Variants in OSBPL8 observed in about 807,000 individuals in gnomAD.
OSBPL8 encodes oxysterol binding protein like 8, also known as oxysterol-binding protein-related protein 8.
OSBPL8 carries 59 observed loss-of-function variants against 125.5 expected under a neutral mutation model. The ratio of observed to expected loss-of-function variants is 0.47; its 90% CI spans 0.38 to 0.58. The LOEUF is 0.58. Among genes scored for constraint, OSBPL8 ranks in the 20% least tolerant of loss-of-function variants. OSBPL8 has a pLI of 0.00. For synonymous variants in OSBPL8, 330 were observed against 338.9 expected (o/e 0.97, Z 0.29); for missense variants, 758 against 1,047.8 (o/e 0.72, Z 3.82).
intron 4 of OSBPL8, among the ~76,000 whole-genome samples, chr12:76,437,597 G>C (rs1871624418): frequency 1.3e-5 from 2 of 152,056 alleles, no homozygotes; most frequent in South Asian, 4.1e-4. Context: ...CCCTTGCCTG[G>C]TTCTGCTTTT....
chr12:76,478,983 G>T (rs1189028690), intron 2 of OSBPL8, among the ~76,000 whole-genome samples: 2 of 152,152 alleles, frequency 1.3e-5, no homozygotes, highest in African/African-American at 4.8e-5. Flanking sequence ...TGCTCGGGAG[G>T]CTGAGGCAGG....
intron 5 of OSBPL8, among the ~76,000 whole-genome samples, chr12:76,405,196 T>A (rs1285124515): frequency 6.6e-6 from 1 of 152,176 alleles, no homozygotes; most frequent in African/African-American, 2.4e-5. Flanking sequence ...TGGTGACTCA[T>A]GCTGGTAATC....
chr12:76,385,705 A>G (rs1229550866), intron 14 of OSBPL8, among the ~76,000 whole-genome samples: 1 of 152,084 alleles, frequency 6.6e-6, no homozygotes, highest in Non-Finnish European at 1.5e-5. Flanking sequence ...AAAAATGAGG[A>G]AAGAAAGTGC....
intron 5 of OSBPL8, among the ~76,000 whole-genome samples, chr12:76,410,179 G>C (rs1315720639): frequency 2.0e-5 from 3 of 152,068 alleles, no homozygotes; most frequent in East Asian, 3.8e-4. Context: ...CAAAGCTCTG[G>C]CTTTTAACTG....
At chr12:76,479,836 C>T (rs1483798450) in intron 2 of OSBPL8, among the ~76,000 whole-genome samples, 1 of 152,056 alleles carries the variant, frequency 6.6e-6, no homozygotes, top group African/African-American at 2.4e-5. Context: ...AGACTTGTGA[C>T]TTATCAACTA....
chr12:76,414,203 T>C (rs1868351079), intron 4 of OSBPL8, among the ~76,000 whole-genome samples: 1 of 152,082 alleles, frequency 6.6e-6, no homozygotes, highest in South Asian at 2.1e-4. Context: ...CACAAATGTG[T>C]AGGTCTGTTT....
chr12:76,374,061 A>C lies in OSBPL8; in HGVS notation c.1828-628T>G, dbSNP rs1952721453. On this transcript the variant is annotated intron_variant, in intron 17 of 23. Transcript: ENST00000261183. The stretch of plus-strand genomic sequence containing the variant: ...TCACCATACAAGGAAAATTTTGCCA[A>C]GGTGAAAGAAAAATAAAATAAAAGA... Among the ~76,000 whole-genome samples, 5 of 152,204 alleles carry C rather than the reference A, an allele frequency of 3.3e-5. No homozygotes were observed. The South Asian group carries it at 1.0e-3, about 31-fold the overall frequency.
At position 76,544,480 on chromosome 12, in the gene OSBPL8, G is replaced by T. The variant is rs561512623; in HGVS notation, c.-68+14917C>A. ...AACAATAGTGATATTATTGAAATAA[G>T]GTAACTTTGAACACACTGACCATCT... On this transcript the variant is annotated intron_variant, in intron 1 of 23. Transcript: ENST00000261183. 3.4e-4 allele frequency among the ~76,000 whole-genome samples: 52 copies of T among 152,180 alleles called. 1 individual carries two copies. In the South Asian group the frequency reaches 0.01, roughly 30 times the overall value.
chr12:76,486,060 T>G (rs1279612902), intron 2 of OSBPL8: 1 of 431,184 alleles, frequency 2.3e-6, no homozygotes, highest in Non-Finnish European at 4.6e-6. Context: ...TAAATCAATG[T>G]GACAACAGCC....
intron 1 of OSBPL8, among the ~76,000 whole-genome samples, chr12:76,528,240 G>C (rs1425376381): frequency 6.7e-6 from 1 of 149,862 alleles, no homozygotes; most frequent in Admixed American, 6.7e-5. Context: ...AGAATTGCTT[G>C]AACTGGGACC....
At chr12:76,499,668 T>C (rs1356885333) in intron 1 of OSBPL8, among the ~76,000 whole-genome samples, 4 of 152,044 alleles carry the variant, frequency 2.6e-5, no homozygotes, top group Admixed American at 2.6e-4. Context: ...CTGGCCAAAA[T>C]GTTGAAACCT....
chr12:76,507,962 G>A (rs1217368748), intron 1 of OSBPL8, among the ~76,000 whole-genome samples: 2 of 152,008 alleles, frequency 1.3e-5, no homozygotes, highest in Non-Finnish European at 2.9e-5. Context: ...CCTGAGATCA[G>A]GAGTTTGAGA....
intron 14 of OSBPL8, among the ~76,000 whole-genome samples, chr12:76,385,580 G>A (rs1245958166): frequency 1.3e-5 from 2 of 152,080 alleles, no homozygotes; most frequent in African/African-American, 4.8e-5. Context: ...AGAAGTTTGA[G>A]AAGGGAAAAA....
chr12:76,524,519 A>G (rs1014876932), intron 1 of OSBPL8, among the ~76,000 whole-genome samples: 3 of 152,224 alleles, frequency 2.0e-5, no homozygotes, highest in East Asian at 3.8e-4. Flanking sequence ...AAAAACGGGT[A>G]TAATAATTGG....
chr12:76,396,648 G>C (rs1209397881), intron 8 of OSBPL8, among the ~76,000 whole-genome samples: 1 of 152,046 alleles, frequency 6.6e-6, no homozygotes, highest in Non-Finnish European at 1.5e-5. Context: ...TAGCTACTTG[G>C]GGGGCTGCGG....
At chr12:76,390,351 T>C in intron 11 of OSBPL8, 69 bp downstream of exon 11, 2 of 1,153,706 alleles carry the variant, frequency 1.7e-6, no homozygotes, top group South Asian at 1.4e-5. Flanking sequence ...GCAAATAATA[T>C]CTTCAATTTC....
chr12:76,460,719 A>G (rs1180285404), intron 2 of OSBPL8, among the ~76,000 whole-genome samples: 4 of 152,186 alleles, frequency 2.6e-5, no homozygotes, highest in African/African-American at 9.7e-5. Flanking sequence ...AAATTACTCT[A>G]AATGTTGCCC....
chr12:76,521,653 T>G (rs1365123902), intron 1 of OSBPL8, among the ~76,000 whole-genome samples: 1 of 152,176 alleles, frequency 6.6e-6, no homozygotes, highest in Non-Finnish European at 1.5e-5. Flanking sequence ...ACACCATGAA[T>G]AGACATTGAG....
At chr12:76,476,785 C>G (rs1238904780) in intron 2 of OSBPL8, among the ~76,000 whole-genome samples, 3 of 152,120 alleles carry the variant, frequency 2.0e-5, no homozygotes, top group Admixed American at 1.3e-4. Context: ...CTTCCCAAGT[C>G]TCATCGCCAG....
Sources: allele counts gnomAD v4.1 joint callset (sites outside exome capture counted in the v4.1 genomes callset), GRCh38; gene constraint gnomAD v4.1.1; transcripts MANE v1.5; gene names NCBI Gene and HGNC (gene_info 2026-07-23, HGNC 2026-07-21).